KCMF1: variants seen among roughly 807,000 people sequenced by gnomAD.
KCMF1 encodes potassium channel modulatory factor 1.
A neutral mutation model predicts 41.1 loss-of-function variants in KCMF1; 3 were observed. The ratio of observed to expected loss-of-function variants is 0.07; its 90% CI spans 0.03 to 0.19. The LOEUF (loss-of-function observed/expected upper bound fraction) is 0.19, where lower values mean the gene tolerates loss of function less well. Ranked by LOEUF, KCMF1 falls within the 10% of genes least tolerant of loss-of-function variation. The pLI, the probability that KCMF1 is intolerant of heterozygous loss-of-function variation, is 1.00. For synonymous variants in KCMF1, 142 were observed against 164.5 expected, an observed-to-expected ratio of 0.86 and a Z score of 1.04; for missense variants, 286 against 488.9, an observed-to-expected ratio of 0.58 and a Z score of 3.91.
chr2:85,010,666 GC>G (rs935142468), intron 1 of KCMF1, among the ~76,000 whole-genome samples: 1 of 152,072 alleles, frequency 6.6e-6, no homozygotes, highest in African/African-American at 2.4e-5. Context: ...GTGCCTAGTG[GC>G]TACCATATTG....
At chr2:85,003,666 T>C (rs1674391083) in intron 1 of KCMF1, among the ~76,000 whole-genome samples, 1 of 152,090 alleles carries the variant, frequency 6.6e-6, no homozygotes. Context: ...GTTACCCAGG[T>C]GGATCTCAAA....
At chr2:85,029,598 C>CA (rs776521159) in intron 2 of KCMF1, among the ~76,000 whole-genome samples, 328 of 99,418 alleles carry the variant, frequency 3.3e-3, no homozygotes, top group East Asian at 9.0e-3. Flanking sequence ...GACGCTATCT[C>CA]AAAAAAAAAA....
chr2:85,000,235 C>T (rs918563378), intron 1 of KCMF1, among the ~76,000 whole-genome samples: 3 of 152,022 alleles, frequency 2.0e-5, no homozygotes, highest in Non-Finnish European at 4.4e-5. Flanking sequence ...ACGCCATTCT[C>T]CTGCCTCAGC....
intron 1 of KCMF1, among the ~76,000 whole-genome samples, chr2:85,016,686 A>G (rs1674776192): frequency 6.6e-6 from 1 of 151,056 alleles, no homozygotes; most frequent in Non-Finnish European, 1.5e-5. Flanking sequence ...TACTTATACT[A>G]TAGTTTATCT....
At chr2:85,013,754 C>T (rs1674703198) in intron 1 of KCMF1, among the ~76,000 whole-genome samples, 1 of 150,724 alleles carries the variant, frequency 6.6e-6, no homozygotes, top group African/African-American at 2.5e-5. Context: ...GCCGAGATCA[C>T]ACCACTGTGC....
intron 6 of KCMF1, among the ~76,000 whole-genome samples, chr2:85,052,090 A>G (rs1455502003): frequency 6.6e-6 from 1 of 152,048 alleles, no homozygotes; most frequent in African/African-American, 2.4e-5. Flanking sequence ...TTTTTTTGAG[A>G]TAGAATTTCG....
chr2:85,018,118 T>C (rs1674829515), intron 1 of KCMF1, among the ~76,000 whole-genome samples: 1 of 152,216 alleles, frequency 6.6e-6, no homozygotes, highest in Non-Finnish European at 1.5e-5. Context: ...CTGTATGTCC[T>C]AGCATTTTCA....
intron 1 of KCMF1, among the ~76,000 whole-genome samples, chr2:85,022,331 G>A (rs114507070): frequency 2.4e-3 from 364 of 151,982 alleles, no homozygotes; most frequent in Non-Finnish European, 4.0e-3. Flanking sequence ...AAAATTATGC[G>A]GGCATGGTGG....
At chr2:85,007,775 CTTG>C (rs1173018130) in intron 1 of KCMF1, among the ~76,000 whole-genome samples, 5 of 151,994 alleles carry the variant, frequency 3.3e-5, no homozygotes, top group African/African-American at 7.3e-5. Flanking sequence ...TTGTGTTTTT[CTTG>C]TTGTTGTTTT....
chr2:85,008,348 ATATATAATATATAT>A (rs1674549379), intron 1 of KCMF1, among the ~76,000 whole-genome samples: 1 of 2,134 alleles, frequency 4.7e-4, no homozygotes, highest in African/African-American at 1.8e-3. Context: ...ATGATATATA[ATATATAATATATAT>A]TATATATCAT....
intron 1 of KCMF1, among the ~76,000 whole-genome samples, chr2:84,971,794 C>T (rs905720130): frequency 1.2e-4 from 18 of 151,024 alleles, no homozygotes; most frequent in African/African-American, 4.4e-4. Flanking sequence ...ATACCGGACG[C>T]CAAGGCCCGC....
chr2:84,997,895 G>A (rs1259107926), intron 1 of KCMF1, among the ~76,000 whole-genome samples: 1 of 144,210 alleles, frequency 6.9e-6, no homozygotes, highest in Non-Finnish European at 1.5e-5. Flanking sequence ...TCGGCCTCCC[G>A]AGTAGCTGGG....
chr2:84,994,695 G>A lies in KCMF1; in HGVS notation c.16+23228G>A, dbSNP rs139265348. 8.4e-3 allele frequency among the ~76,000 whole-genome samples: 1,275 copies of A among 151,938 alleles called. 6 individuals carry two copies. Among genetic ancestry groups the A allele is most frequent in the South Asian group, 0.014 (66 of 4,808 alleles). On this transcript the variant is annotated intron_variant, in intron 1 of 6. Transcript: ENST00000409785. ...TGGGATTACAGGCATGAGCCACCAC[G>A]CCCAGCCAACAACACTTCTTTAATA...
rs150256845 is a variant in KCMF1, at chr2:85,034,364, G to T, written c.185-652G>T. Among the ~76,000 whole-genome samples the T allele has an allele frequency of 4.4e-3, 675 of 152,178 alleles. 5 individuals carry two copies. Among genetic ancestry groups the T allele is most frequent in the South Asian group, 8.7e-3 (42 of 4,824 alleles). On this transcript the variant is annotated intron_variant, in intron 2 of 6. Transcript: ENST00000409785. ...CTGAGCACATTTGTCCCTGTTACATGGTAGACCCTGCTGATTTTTACTGTC... is the reference window on the plus strand; with the variant it reads ...CTGAGCACATTTGTCCCTGTTACATTGTAGACCCTGCTGATTTTTACTGTC...
intron 3 of KCMF1, 123 bp from the exon 4 acceptor site, chr2:85,043,441 G>T: frequency 1.5e-6 from 1 of 678,186 alleles, no homozygotes. Flanking sequence ...CACTGATTTA[G>T]GATCTGCTGT....
intron 2 of KCMF1, among the ~76,000 whole-genome samples, chr2:85,028,483 CTTTTTT>C (rs398042498): frequency 8.5e-5 from 4 of 47,268 alleles, no homozygotes; most frequent in Non-Finnish European, 1.4e-4. Flanking sequence ...CTGTGCCTGG[CTTTTTT>C]TTTTTTTTTT....
intron 1 of KCMF1, among the ~76,000 whole-genome samples, chr2:84,973,825 CTTTTTTTTTTTTTT>C (rs1238178193): frequency 9.1e-6 from 1 of 110,278 alleles, no homozygotes; most frequent in African/African-American, 3.5e-5. Flanking sequence ...TTATTTCTTT[CTTTTTTTTTTTTTT>C]TTTTTTTTAG....
At chr2:85,025,733 C>T (rs897848728) in intron 1 of KCMF1, among the ~76,000 whole-genome samples, 6 of 152,008 alleles carry the variant, frequency 3.9e-5, no homozygotes, top group Non-Finnish European at 8.8e-5. Flanking sequence ...CTCAGCCACC[C>T]GAGTAGCTGA....
chr2:84,974,396 A>C (rs1387566987), intron 1 of KCMF1, among the ~76,000 whole-genome samples: 1 of 151,948 alleles, frequency 6.6e-6, no homozygotes, highest in Admixed American at 6.6e-5. Flanking sequence ...TTTGGATGAC[A>C]CAGTCCTGAG....
Sources: gnomAD v4.1 joint callset for allele counts (sites outside exome capture counted in the v4.1 genomes callset) on GRCh38, gnomAD v4.1.1 for gene constraint, MANE v1.5 for transcripts, NCBI Gene and HGNC (gene_info 2026-07-23, HGNC 2026-07-21) for gene names.